MYH9: variants seen among roughly 807,000 people sequenced by gnomAD.
MYH9 encodes myosin heavy chain 9.
MYH9 carries 29 observed loss-of-function variants against 241.9 expected under a neutral mutation model. That is an observed-to-expected ratio of 0.12 (90% confidence interval 0.09 to 0.16). The LOEUF (loss-of-function observed/expected upper bound fraction) is 0.16, where lower values mean the gene tolerates loss of function less well. Among genes scored for constraint, MYH9 ranks in the 10% least tolerant of loss-of-function variants. MYH9 has a pLI of 1.00. For synonymous variants in MYH9, 1,047 were observed against 1,062.6 expected, an observed-to-expected ratio of 0.99 and a Z score of 0.29; for missense variants, 1,803 against 2,595.5, an observed-to-expected ratio of 0.69 and a Z score of 6.63.
intron 1 of MYH9, among the ~76,000 whole-genome samples, chr22:36,350,366 C>T (rs557761762): frequency 1.8e-4 from 27 of 152,252 alleles, no homozygotes; most frequent in African/African-American, 6.0e-4. Flanking sequence ...GGAGAAACCC[C>T]GTCTCTACTA....
intron 1 of MYH9, among the ~76,000 whole-genome samples, chr22:36,367,867 C>A (rs2018034233): frequency 6.6e-6 from 1 of 152,224 alleles, no homozygotes; most frequent in Non-Finnish European, 1.5e-5. Flanking sequence ...CTCCTCCCCT[C>A]CCCAGTCCAA....
chr22:36,377,918 CA>C (rs199683456), intron 1 of MYH9, among the ~76,000 whole-genome samples: 5 of 150,038 alleles, frequency 3.3e-5, no homozygotes, highest in African/African-American at 1.2e-4. Context: ...CTCAAAAAAA[CA>C]AAAAAAAACT....
At chr22:36,307,929 C>T (rs527874930) in intron 15 of MYH9, among the ~76,000 whole-genome samples, 2 of 151,962 alleles carry the variant, frequency 1.3e-5, no homozygotes, top group African/African-American at 4.8e-5. Context: ...CCTTATGTAC[C>T]CACCACAGGG....
intron 14 of MYH9, among the ~76,000 whole-genome samples, chr22:36,310,406 A>G: frequency 6.6e-6 from 1 of 152,318 alleles, no homozygotes; most frequent in South Asian, 2.1e-4. Flanking sequence ...GTGCTCTGCT[A>G]AAATATATAC....
At chr22:36,383,529 G>A (rs972911651) in intron 1 of MYH9, among the ~76,000 whole-genome samples, 5 of 152,094 alleles carry the variant, frequency 3.3e-5, no homozygotes, top group African/African-American at 9.7e-5. Flanking sequence ...CACAATACAC[G>A]CATACCTTGT....
At chr22:36,303,222 C>T (rs1193910839) in intron 19 of MYH9, among the ~76,000 whole-genome samples, 2 of 152,016 alleles carry the variant, frequency 1.3e-5, no homozygotes, top group Non-Finnish European at 2.9e-5. Context: ...GGACCCCATC[C>T]CCGAGCACAA....
intron 7 of MYH9, 150 bp downstream of exon 7, chr22:36,321,608 G>T (rs1437053616): frequency 3.7e-6 from 3 of 806,552 alleles, no homozygotes; most frequent in Non-Finnish European, 6.6e-6. Flanking sequence ...TGCACTAGCC[G>T]ATCCTGACAG....
chr22:36,379,839 G>A (rs1384758093), intron 1 of MYH9, among the ~76,000 whole-genome samples: 1 of 152,220 alleles, frequency 6.6e-6, no homozygotes, highest in Admixed American at 6.5e-5. Flanking sequence ...GGCTAGCTAA[G>A]GGCCTTCTCT....
At chr22:36,342,449 G>A (rs1053957092) in intron 2 of MYH9, among the ~76,000 whole-genome samples, 6 of 152,228 alleles carry the variant, frequency 3.9e-5, no homozygotes, top group Middle Eastern at 3.4e-3. Flanking sequence ...CTGGGTAGGC[G>A]AGGAGAACCA....
At chr22:36,318,913 G>A (rs550666489) in intron 10 of MYH9, among the ~76,000 whole-genome samples, 26 of 152,206 alleles carry the variant, frequency 1.7e-4, no homozygotes, top group African/African-American at 3.4e-4. Flanking sequence ...ACAGGCGCAC[G>A]CCACCATGCC....
At chr22:36,369,963 A>G (rs2018065788) in intron 1 of MYH9, among the ~76,000 whole-genome samples, 1 of 152,230 alleles carries the variant, frequency 6.6e-6, no homozygotes, top group African/African-American at 2.4e-5. Flanking sequence ...ATAACTTGAA[A>G]GTGACTTTAA....
chr22:36,282,675 G>A lies in MYH9; in HGVS notation c.5876C>T (p.Ala1959Val). The change falls in exon 41 of 41, where the codon GCC becomes GTC. Residue 1959 changes from alanine (A) to valine (V), a missense_variant. Coordinates refer to ENST00000216181, the MANE Select transcript of MYH9 (RefSeq NM_002473.6). ...GKADGAEAKP[A>V]E Reference sequence around the variant, plus strand: ...GGCTGCAGGAGAAGAGGCTTATTCGGCAGGTTTGGCCTCAGCCCCATCCGC... The same window carrying A: ...GGCTGCAGGAGAAGAGGCTTATTCGACAGGTTTGGCCTCAGCCCCATCCGC... 6.2e-7 allele frequency: 1 copy of A among 1,613,816 alleles called. No homozygotes were observed. Among genetic ancestry groups the A allele is most frequent in the South Asian group, 1.1e-5 (1 of 91,082 alleles).
Position 36,309,351 on chromosome 22 carries a change from G to A in MYH9, c.1774C>T (p.Leu592=). 1 of 1,614,220 alleles carries A rather than the reference G, an allele frequency of 6.2e-7. No homozygotes were observed. Among genetic ancestry groups the A allele is most frequent in the Non-Finnish European group, 8.5e-7 (1 of 1,180,042 alleles). The part of the protein sequence containing the change: ...DEWLMKNMDP[L]NDNIATLLHQ... ...AGCAGTGTGGCGATGTTGTCATTCA[G>A]GGGATCCATGTTCTTCATCAGCCAC... The change falls in exon 15 of 41, where the codon CTG becomes TTG. Residue 592 remains leucine, a synonymous_variant. Coordinates refer to ENST00000216181, the MANE Select transcript of MYH9 (RefSeq NM_002473.6).
Position 36,285,102 on chromosome 22 carries a change from C to A in MYH9, c.5483+19G>T, listed in dbSNP as rs372448778. ...TTTTTCCAGGACAGCTGGGGTTGGG[C>A]GGGGCCAGGGGCACGTACTTGGTCT... On this transcript the variant is annotated intron_variant, in intron 38 of 40. Transcript: ENST00000216181. The surrounding 1 kb of genome is among the most constrained non-coding windows in gnomAD (Gnocchi z 7.0). 2.5e-6 allele frequency: 4 copies of A among 1,611,620 alleles called. No homozygotes were observed. The African/African-American group carries it at 5.3e-5, about 22-fold the overall frequency.
In MYH9 at chr22:36,288,904, C is replaced by G. The variant is rs1243250029; in HGVS notation, c.4593G>C (p.Glu1531Asp). 2 of 1,613,992 alleles carry G rather than the reference C, an allele frequency of 1.2e-6. No individual in the cohort carries two copies. The change falls in exon 33 of 41, where the codon GAG becomes GAC. Residue 1531 changes from glutamate (E) to aspartate (D), a missense_variant. Physicochemically the swap from Glu to Asp is conservative, Grantham distance 45. Around this residue, in one of 11 missense-constraint regions of MYH9, gnomAD observed 876 missense variants for 1,077.8 expected, o/e 0.81. Transcript: ENST00000216181. This position sits in a 1 kb window ranked among gnomAD's most constrained non-coding sequence, Gnocchi z 4.8. ...GCGTCTTCATCTCCTCCACCTGCTG[C>G]TCTAGGGCCCGCTTGGACTTCTCCA... ...HELEKSKRAL[E>D]QQVEEMKTQL...
chr22:36,288,468 C>T lies in MYH9; in HGVS notation c.4771-55G>A. 6.3e-7 allele frequency: 1 copy of T among 1,599,514 alleles called. No individual in the cohort carries two copies. Among genetic ancestry groups the T allele is most frequent in the Non-Finnish European group, 8.5e-7 (1 of 1,178,196 alleles). ...AGCTGGACCCACTGGGAGACCCTGCCCTAGCTCTGAACTCAGGAGCCTCAG... is the reference window on the plus strand; with the variant it reads ...AGCTGGACCCACTGGGAGACCCTGCTCTAGCTCTGAACTCAGGAGCCTCAG... On this transcript the variant is annotated intron_variant, in intron 33 of 40. Transcript: ENST00000216181. The surrounding 1 kb of genome is among the most constrained non-coding windows in gnomAD (Gnocchi z 4.8).
At position 36,281,438 on chromosome 22, in the gene MYH9, C is replaced by A. The variant is rs1370591972; in HGVS notation, c.*1230G>T. ...CACTCCTTTGTGACAGCAACTGGGA[C>A]CTGAATTCAGAGCTTTGTAGGCATA... On this transcript the variant is annotated 3_prime_UTR_variant, in exon 41 of 41. Transcript: ENST00000216181. 4.4e-6 allele frequency: 1 copy of A among 228,724 alleles called. No homozygotes were observed. Among genetic ancestry groups the A allele is most frequent in the Non-Finnish European group, 8.7e-6 (1 of 115,178 alleles). 14.2% of individuals were successfully genotyped at this position (228,724 alleles called of 1,614,324 possible). A position where few individuals can be genotyped will look rare whatever the true frequency, so the allele number is the denominator to read the frequency against.
intron 4 of MYH9, 48 bp from the exon 5 acceptor site, chr22:36,326,709 T>G (rs2017341436): frequency 1.3e-6 from 2 of 1,509,134 alleles, no homozygotes; most frequent in Non-Finnish European, 1.8e-6. Flanking sequence ...GGCCAAGTCC[T>G]TGACCTCTGT....
chr22:36,282,817 G>C, intron 40 of MYH9, 32 bp from the exon 41 acceptor site: 2 of 1,583,008 alleles, frequency 1.3e-6, no homozygotes, highest in Non-Finnish European at 1.7e-6. Context: ...GAGGGTCAGC[G>C]GGCCCGGCCA....
Sources: gnomAD v4.1 joint callset for allele counts (sites outside exome capture counted in the v4.1 genomes callset) on GRCh38, gnomAD v4.1.1 for gene constraint, gnomAD v4.1.1 regional missense constraint, Gnocchi (gnomAD v3.1) non-coding constraint, MANE v1.5 for transcripts, NCBI Gene and HGNC (gene_info 2026-07-23, HGNC 2026-07-21) for gene names.